KCNH1: variants seen among roughly 807,000 people sequenced by gnomAD.
KCNH1 encodes voltage-gated delayed rectifier potassium channel KCNH1.
KCNH1 carries 27 observed loss-of-function variants against 69.2 expected under a neutral mutation model. That is an observed-to-expected ratio of 0.39 (90% CI 0.29 to 0.54). The LOEUF (loss-of-function observed/expected upper bound fraction) is 0.54, where lower values mean the gene tolerates loss of function less well. KCNH1 is among the 20% of genes least tolerant of loss of function. The probability of loss-of-function intolerance (pLI) is 0.68; values close to 1 mark genes in which losing one functional copy is unlikely to be tolerated. For missense variants in KCNH1, 798 were observed against 1,261.6 expected (o/e 0.63, Z 5.57); for synonymous variants, 456 against 487.7 (o/e 0.93, Z 0.86).
In KCNH1 at chr1:211,019,721, T is replaced by C. The variant is rs561258143; in HGVS notation, c.559-465A>G. ...AATACACATTCTTCTCATCAGCACA[T>C]GGAACATTCTCCAGGATAGACTATA... On this transcript the variant is annotated intron_variant, in intron 5 of 10. Transcript: ENST00000271751. Among the ~76,000 whole-genome samples the C allele has an allele frequency of 3.9e-5, 6 of 152,338 alleles. No homozygotes were observed. The South Asian group carries it at 1.2e-3, about 32-fold the overall frequency.
intron 9 of KCNH1, among the ~76,000 whole-genome samples, chr1:210,788,789 C>T (rs1213417097): frequency 1.4e-5 from 2 of 140,190 alleles, no homozygotes; most frequent in African/African-American, 5.4e-5. Context: ...CTCCGCCTCC[C>T]GGGTTCACGC....
Position 210,856,378 on chromosome 1 carries a change from A to C in KCNH1, c.1463-52212T>G, listed in dbSNP as rs562739171. On this transcript the variant is annotated intron_variant, in intron 7 of 10. Transcript: ENST00000271751. Reference sequence around the variant, plus strand: ...TGCTCTTCAAATGAGCATTAAGTGTAGATTTCTGCTGTTCCTCCCTAACCC... The same window carrying C: ...TGCTCTTCAAATGAGCATTAAGTGTCGATTTCTGCTGTTCCTCCCTAACCC... Among the ~76,000 whole-genome samples, 5 of 152,284 alleles carry C rather than the reference A, an allele frequency of 3.3e-5. No individual in the cohort carries two copies. The South Asian group carries it at 1.0e-3, about 32-fold the overall frequency.
At chr1:210,938,047 C>T (rs1439292531) in intron 6 of KCNH1, among the ~76,000 whole-genome samples, 1 of 152,210 alleles carries the variant, frequency 6.6e-6, no homozygotes, top group East Asian at 1.9e-4. Context: ...CTGGAATGAC[C>T]CTTGGTCATG....
intron 5 of KCNH1, among the ~76,000 whole-genome samples, chr1:211,059,516 G>C (rs1690382285): frequency 1.3e-5 from 2 of 152,104 alleles, no homozygotes; most frequent in South Asian, 4.1e-4. Context: ...GCTGAGGCGG[G>C]TGGATCATGA....
intron 6 of KCNH1, among the ~76,000 whole-genome samples, chr1:210,982,080 C>T (rs1257880857): frequency 2.6e-5 from 4 of 152,030 alleles, no homozygotes; most frequent in Non-Finnish European, 5.9e-5. Flanking sequence ...GAAATCTAAT[C>T]TTTAGTCCAC....
chr1:210,876,739 T>C (rs139662812), intron 7 of KCNH1, among the ~76,000 whole-genome samples: 1 of 152,174 alleles, frequency 6.6e-6, no homozygotes, highest in East Asian at 1.9e-4. Context: ...CAAGGAGCCA[T>C]AAAGCGATGA....
chr1:210,701,541 C>T (rs753857998), intron 10 of KCNH1, among the ~76,000 whole-genome samples: 3 of 152,154 alleles, frequency 2.0e-5, no homozygotes, highest in Admixed American at 6.5e-5. Context: ...TGAATTTTGG[C>T]TGTTATTTAT....
chr1:210,774,814 T>G (rs916387175), intron 10 of KCNH1, among the ~76,000 whole-genome samples: 2 of 152,206 alleles, frequency 1.3e-5, no homozygotes, highest in Non-Finnish European at 1.5e-5. Context: ...TCAACCAGTT[T>G]AGTTGGGAGT....
At chr1:210,686,398 ATCC>A (rs1430299769) in intron 10 of KCNH1, among the ~76,000 whole-genome samples, 1 of 152,166 alleles carries the variant, frequency 6.6e-6, no homozygotes, top group Non-Finnish European at 1.5e-5. Flanking sequence ...GCTCTAAGTT[ATCC>A]TCCTACCTCC....
chr1:210,722,530 G>A (rs995652101), intron 10 of KCNH1, among the ~76,000 whole-genome samples: 2 of 152,206 alleles, frequency 1.3e-5, no homozygotes, highest in African/African-American at 4.8e-5. Flanking sequence ...GCCTGGTAGT[G>A]TTGATGGCAC....
rs137927097 is a variant in KCNH1, at chr1:210,974,652, C to T, written c.1032+44131G>A. ...GATCTTGGCTCACTGCAAACTCCAC[C>T]TCCCAGGTTCAAGTCATTCTCCTGC... On this transcript the variant is annotated intron_variant, in intron 6 of 10. Transcript: ENST00000271751. 2.0e-5 allele frequency among the ~76,000 whole-genome samples: 3 copies of T among 150,514 alleles called. No homozygotes were observed. The East Asian group carries it at 5.9e-4, about 29-fold the overall frequency.
At chr1:210,691,567 G>A (rs1165995223) in intron 10 of KCNH1, among the ~76,000 whole-genome samples, 1 of 152,180 alleles carries the variant, frequency 6.6e-6, no homozygotes, top group African/African-American at 2.4e-5. Flanking sequence ...AATGCCTTGG[G>A]TTTTAGGACA....
chr1:210,985,935 G>T (rs1041324769), intron 6 of KCNH1, among the ~76,000 whole-genome samples: 4 of 151,944 alleles, frequency 2.6e-5, no homozygotes, highest in African/African-American at 9.7e-5. Context: ...TTTCTAGGTC[G>T]CTAAGGACTT....
chr1:210,833,017 T>C (rs189186825), intron 7 of KCNH1, among the ~76,000 whole-genome samples: 1 of 151,440 alleles, frequency 6.6e-6, no homozygotes, highest in East Asian at 1.9e-4. Flanking sequence ...CCCTAAACAT[T>C]TAGCTTTAAG....
intron 10 of KCNH1, among the ~76,000 whole-genome samples, chr1:210,770,215 G>C (rs1451977902): frequency 6.6e-6 from 1 of 151,984 alleles, no homozygotes; most frequent in Non-Finnish European, 1.5e-5. Context: ...GTGTGGGGGG[G>C]TCAAGGGGAG....
intron 3 of KCNH1, among the ~76,000 whole-genome samples, chr1:211,102,288 T>A (rs553782350): frequency 6.6e-6 from 1 of 152,348 alleles, no homozygotes; most frequent in East Asian, 1.9e-4. Context: ...ATGACACATG[T>A]GCAGACCATG....
chr1:210,993,294 T>C (rs1332754972), intron 6 of KCNH1, among the ~76,000 whole-genome samples: 1 of 151,970 alleles, frequency 6.6e-6, no homozygotes, highest in Non-Finnish European at 1.5e-5. Flanking sequence ...CACTAAGGAG[T>C]TTCTCATTCT....
Position 210,775,432 on chromosome 1 carries a change from G to T in KCNH1, c.2028C>A (p.Ala676=). Residue 676 remains alanine, a synonymous_variant, in exon 10 of 11, where the codon GCC becomes GCA. Transcript: ENST00000271751. ...YCDLHVIKRD[A]LQKVLEFYTA... Reference sequence around the variant, plus strand: ...TGTAGAATTCCAGCACTTTCTGCAGGGCATCCCGCTTGATCACATGCAGAT... The same window carrying T: ...TGTAGAATTCCAGCACTTTCTGCAGTGCATCCCGCTTGATCACATGCAGAT... 6.2e-7 allele frequency: 1 copy of T among 1,614,104 alleles called. No individual in the cohort carries two copies. Among genetic ancestry groups the T allele is most frequent in the South Asian group, 1.1e-5 (1 of 91,088 alleles).
chr1:210,718,698 A>ATG (rs1553337877), intron 10 of KCNH1, among the ~76,000 whole-genome samples: 16,142 of 123,518 alleles, frequency 0.13, 2,084 homozygotes, highest in African/African-American at 0.25. Context: ...ACACATATAT[A>ATG]TATACACACT....
Sources: gnomAD v4.1 joint callset for allele counts (sites outside exome capture counted in the v4.1 genomes callset) on GRCh38, gnomAD v4.1.1 for gene constraint, MANE v1.5 for transcripts, NCBI Gene and HGNC (gene_info 2026-07-23, HGNC 2026-07-21) for gene names.